TLL2: variants seen among roughly 807,000 people sequenced by gnomAD.
TLL2 encodes the protein tolloid-like protein 2.
TLL2 carries 106 observed loss-of-function variants against 123.0 expected under a neutral mutation model. The observed-to-expected ratio is 0.86, with a 90% CI of 0.74 to 1.01. The LOEUF is 1.01. Among genes scored for constraint, TLL2 ranks in the 50% least tolerant of loss-of-function variants. TLL2 has a pLI of 0.00. For synonymous variants in TLL2, 494 were observed against 516.8 expected (o/e 0.96, Z 0.60); for missense variants, 1,332 against 1,336.7 (o/e 1.00, Z 0.06).
chr10:96,480,433 C>T lies in TLL2; in HGVS notation c.202G>A (p.Asp68Asn). 2 of 1,614,190 alleles carry T rather than the reference C, an allele frequency of 1.2e-6. No individual in the cohort carries two copies. Among genetic ancestry groups the T allele is most frequent in the Non-Finnish European group, 1.7e-6 (2 of 1,180,032 alleles). Residue 68 changes from aspartate (D) to asparagine (N), a missense_variant, in exon 2 of 21, where the codon GAT becomes AAT. Asp to Asn is a conservative substitution (Grantham distance 23). Coordinates refer to ENST00000357947, the MANE Select transcript of TLL2 (RefSeq NM_012465.4). ...AAVFWGDIAL[D>N]EDDLKLFHID... ...TGAAACAGCTTCAAGTCATCTTCAT[C>T]TAAGGCAATGTCTCCCCAAAAGACA... is the stretch of plus-strand genomic sequence containing the variant.
chr10:96,445,971 G>T, intron 3 of TLL2, 120 bp downstream of exon 3: 2 of 1,003,688 alleles, frequency 2.0e-6, no homozygotes, highest in South Asian at 1.4e-5. Flanking sequence ...ACATAGCATT[G>T]TGAATGTACT....
chr10:96,423,278 CAA>C, intron 5 of TLL2, among the ~76,000 whole-genome samples: 2 of 152,200 alleles, frequency 1.3e-5, no homozygotes, highest in East Asian at 3.9e-4. Flanking sequence ...GAAAAGCCAA[CAA>C]AAGATACGGT....
intron 13 of TLL2, among the ~76,000 whole-genome samples, chr10:96,392,784 C>T (rs1333065450): frequency 6.6e-6 from 1 of 152,172 alleles, no homozygotes; most frequent in Non-Finnish European, 1.5e-5. Flanking sequence ...ATGTAAGATT[C>T]TGCAAGTGTG....
chr10:96,373,921 G>T, intron 18 of TLL2, 112 bp from the exon 19 acceptor site: 1 of 894,046 alleles, frequency 1.1e-6, no homozygotes, highest in Non-Finnish European at 1.7e-6. Flanking sequence ...GAGACGTCCA[G>T]CTGGCTGTGC....
chr10:96,423,944 T>C (rs1367098474), intron 5 of TLL2, among the ~76,000 whole-genome samples: 1 of 152,114 alleles, frequency 6.6e-6, no homozygotes, highest in African/African-American at 2.4e-5. Context: ...AGAAAATATG[T>C]ACAAGTACAC....
In TLL2 at chr10:96,397,433, T is replaced by C. The variant is rs187165194; in HGVS notation, c.1268-131A>G. ...CAATAACCCTGGCTGGGACAACTTA[T>C]CCTGTAGCACACACAGGATCAAAAG... is the stretch of plus-strand genomic sequence containing the variant. On this transcript the variant is annotated intron_variant, in intron 10 of 20. Transcript: ENST00000357947. 310 of 592,296 alleles carry C rather than the reference T, an allele frequency of 5.2e-4. 2 individuals carry two copies. The East Asian group carries it at 9.2e-3, about 18-fold the overall frequency. 36.7% of individuals were successfully genotyped at this position (592,296 alleles called of 1,614,324 possible).
chr10:96,381,394 T>A (rs1299508394), intron 16 of TLL2, among the ~76,000 whole-genome samples: 1 of 152,212 alleles, frequency 6.6e-6, no homozygotes, highest in Non-Finnish European at 1.5e-5. Context: ...ACTTGGCCCA[T>A]CTCGTGCCCT....
chr10:96,445,640 G>A (rs1342520489), intron 3 of TLL2, among the ~76,000 whole-genome samples: 1 of 152,086 alleles, frequency 6.6e-6, no homozygotes, highest in East Asian at 1.9e-4. Context: ...CCCCTCCCAG[G>A]TCTTCAGGGG....
chr10:96,459,669 CAAAAAAAAAAAAAAA>C (rs1165594084), intron 2 of TLL2, among the ~76,000 whole-genome samples: 59 of 24,426 alleles, frequency 2.4e-3, no homozygotes, highest in African/African-American at 9.4e-3. Context: ...GATCCTGTTT[CAAAAAAAAAAAAAAA>C]AAAAAAAAAA....
At chr10:96,396,972 G>A (rs1358754900) in intron 11 of TLL2, among the ~76,000 whole-genome samples, 1 of 152,182 alleles carries the variant, frequency 6.6e-6, no homozygotes, top group African/African-American at 2.4e-5. Context: ...GGCGTCAGAA[G>A]GATGGCACTA....
chr10:96,446,841 C>T (rs189081071), intron 2 of TLL2, among the ~76,000 whole-genome samples: 2 of 152,310 alleles, frequency 1.3e-5, no homozygotes, highest in Admixed American at 6.5e-5. Flanking sequence ...TCTGTTTGAC[C>T]TACTATGGGC....
At position 96,513,560 on chromosome 10, in the gene TLL2, C is replaced by T; in HGVS notation, c.126G>A (p.Glu42=). The change falls in exon 1 of 21, where the codon GAG becomes GAA. Residue 42 remains glutamate, a synonymous_variant. Transcript: ENST00000357947. ...ATADYSELDG[E]EGTEQQLEHY... ...GCTCCAGCTGCTGCTCCGTGCCCTC[C>T]TCGCCGTCCAGCTCTGAGTAGTCTG... 6.2e-7 allele frequency: 1 copy of T among 1,612,048 alleles called. No individual in the cohort carries two copies. Among genetic ancestry groups the T allele is most frequent in the South Asian group, 1.1e-5 (1 of 91,082 alleles).
At chr10:96,468,297 G>A (rs1022440617) in intron 2 of TLL2, among the ~76,000 whole-genome samples, 2 of 152,146 alleles carry the variant, frequency 1.3e-5, no homozygotes, top group Non-Finnish European at 2.9e-5. Context: ...GCCTTACATA[G>A]GTAGCTGCCG....
At chr10:96,442,688 G>C (rs1478047978) in intron 3 of TLL2, among the ~76,000 whole-genome samples, 1 of 152,216 alleles carries the variant, frequency 6.6e-6, no homozygotes, top group Non-Finnish European at 1.5e-5. Context: ...AAGATTTTTT[G>C]TTGCAGTGTG....
At chr10:96,448,635 G>C (rs1349011708) in intron 2 of TLL2, among the ~76,000 whole-genome samples, 1 of 152,076 alleles carries the variant, frequency 6.6e-6, no homozygotes, top group African/African-American at 2.4e-5. Flanking sequence ...TCTGATGAAG[G>C]GTAGGGGAAA....
chr10:96,429,691 G>T (rs1846718134), intron 4 of TLL2, among the ~76,000 whole-genome samples: 1 of 152,202 alleles, frequency 6.6e-6, no homozygotes, highest in African/African-American at 2.4e-5. Context: ...AGACCTGTAG[G>T]GGGGTGCTCC....
intron 1 of TLL2, among the ~76,000 whole-genome samples, chr10:96,490,754 A>T (rs1156875584): frequency 6.6e-6 from 1 of 152,236 alleles, no homozygotes; most frequent in Non-Finnish European, 1.5e-5. Context: ...CACCTCTTCC[A>T]CTACCAATCC....
chr10:96,397,422 G>A, intron 10 of TLL2, 120 bp from the exon 11 acceptor site: 1 of 638,020 alleles, frequency 1.6e-6, no homozygotes, highest in East Asian at 2.9e-5. Flanking sequence ...AACCCTGGCT[G>A]GGACAACTTA....
chr10:96,421,802 A>G (rs952866839), intron 6 of TLL2, among the ~76,000 whole-genome samples: 7 of 152,174 alleles, frequency 4.6e-5, no homozygotes, highest in Non-Finnish European at 1.5e-5. Flanking sequence ...ACGCCACTGC[A>G]CTCCAGCCTG....
Sources: gnomAD v4.1 joint callset for allele counts (sites outside exome capture counted in the v4.1 genomes callset) on GRCh38, gnomAD v4.1.1 for gene constraint, MANE v1.5 for transcripts, NCBI Gene and HGNC (gene_info 2026-07-23, HGNC 2026-07-21) for gene names.